Variants in JPH2 observed in about 807,000 individuals in gnomAD.
The protein encoded by JPH2 is junctophilin 2.
In JPH2, 38 loss-of-function variants were observed where a neutral mutation model predicts 55.9. The observed-to-expected ratio is 0.68, with a 90% CI of 0.52 to 0.89. The LOEUF (loss-of-function observed/expected upper bound fraction) is 0.89, where lower values mean the gene tolerates loss of function less well. Ranked by LOEUF, JPH2 falls within the 40% of genes least tolerant of loss-of-function variation. JPH2 has a pLI of 0.00. For missense variants in JPH2, 964 were observed against 1,037.6 expected, an observed-to-expected ratio of 0.93 and a Z score of 0.97; for synonymous variants, 480 against 472.4, an observed-to-expected ratio of 1.02 and a Z score of -0.21.
Position 44,134,185 on chromosome 20 carries a change from A to AATATTTATTATAAATATATAAATAT in JPH2, c.1170-15587_1170-15563dup, listed in dbSNP as rs2072360288. Reference sequence around the variant, plus strand: ...TATAAATATTTATTATAAATATATAAATATTTATTATAAATATATAAATAT... The same window carrying AATATTTATTATAAATATATAAATAT: ...TATAAATATTTATTATAAATATATAAATATTTATTATAAATATATAAATATATATTTATTATAAATATATAAATAT... On this transcript the variant is annotated intron_variant, in intron 2 of 5. Coordinates refer to ENST00000372980, the MANE Select transcript of JPH2 (RefSeq NM_020433.5). Among the ~76,000 whole-genome samples the AATATTTATTATAAATATATAAATAT allele has an allele frequency of 6.9e-4, 11 of 15,982 alleles. 4 individuals are homozygous for AATATTTATTATAAATATATAAATAT. The highest frequency in any genetic ancestry group is 1.3e-3 in the Non-Finnish European group (11 of 8,450). 10.5% of individuals were successfully genotyped at this position (15,982 alleles called of 152,430 possible). A position where few individuals can be genotyped will look rare whatever the true frequency, so the allele number is the denominator to read the frequency against.
intron 2 of JPH2, among the ~76,000 whole-genome samples, chr20:44,144,635 C>A (rs2072480929): frequency 6.6e-6 from 1 of 152,176 alleles, no homozygotes; most frequent in South Asian, 2.1e-4. Context: ...CTGGGAGCAG[C>A]TGAGAGACTT....
At chr20:44,114,737 A>G (rs960626729) in intron 5 of JPH2, 45 bp downstream of exon 5, 2 of 1,430,242 alleles carry the variant, frequency 1.4e-6, no homozygotes, top group Non-Finnish European at 1.9e-6. Flanking sequence ...AAAACTCCCC[A>G]GGGGCTCCTG....
chr20:44,113,012 T>C lies in JPH2; in HGVS notation c.*506A>G. 6.6e-6 allele frequency: 1 copy of C among 152,352 alleles called. No individual in the cohort carries two copies. Among genetic ancestry groups the C allele is most frequent in the Non-Finnish European group, 1.5e-5 (1 of 68,080 alleles). The allele number at this position is 152,352 out of a possible 1,614,324, so 9.4% of individuals were successfully genotyped here. On this transcript the variant is annotated 3_prime_UTR_variant, in exon 6 of 6. Transcript: ENST00000372980. ...CAGACTGCACAAGGACAGGTCTCTGTGCTGGTCTGAGGGGGTCTCAACACC... is the reference window on the plus strand; with the variant it reads ...CAGACTGCACAAGGACAGGTCTCTGCGCTGGTCTGAGGGGGTCTCAACACC...
At chr20:44,167,702 C>A (rs148155387) in intron 1 of JPH2, among the ~76,000 whole-genome samples, 2 of 152,202 alleles carry the variant, frequency 1.3e-5, no homozygotes, top group Non-Finnish European at 2.9e-5. Flanking sequence ...TAAACTCTGA[C>A]GTTGAATAGT....
intron 2 of JPH2, among the ~76,000 whole-genome samples, chr20:44,130,903 A>G (rs376718052): frequency 6.6e-6 from 1 of 152,046 alleles, no homozygotes. Context: ...TAAAGATTCC[A>G]TTTTTGAGGC....
At chr20:44,149,187 G>A (rs1378257995) in intron 2 of JPH2, among the ~76,000 whole-genome samples, 2 of 151,122 alleles carry the variant, frequency 1.3e-5, no homozygotes, top group Admixed American at 6.6e-5. Context: ...GGTGCCACCA[G>A]GCCCTCCCTT....
At chr20:44,186,120 TCTCAATAACCC>T (rs1174301069) in intron 1 of JPH2, among the ~76,000 whole-genome samples, 196 bp downstream of exon 1, 1 of 152,150 alleles carries the variant, frequency 6.6e-6, no homozygotes, top group African/African-American at 2.4e-5. Flanking sequence ...CCACTAATCC[TCTCAATAACCC>T]CTTTATTAGC....
chr20:44,114,930 C>T (rs999339277), intron 4 of JPH2, 54 bp from the exon 5 acceptor site: 71 of 1,375,862 alleles, frequency 5.2e-5, no homozygotes, highest in Non-Finnish European at 6.9e-5. Context: ...GAGACACCCC[C>T]CACCCAGGTC....
chr20:44,180,614 G>A (rs2072773692), intron 1 of JPH2, among the ~76,000 whole-genome samples: 1 of 152,128 alleles, frequency 6.6e-6, no homozygotes, highest in African/African-American at 2.4e-5. Context: ...ATTTTTATTA[G>A]CTTTATGGAA....
intron 2 of JPH2, among the ~76,000 whole-genome samples, chr20:44,132,681 C>T (rs2145851917): frequency 7.9e-6 from 1 of 126,974 alleles, no homozygotes; most frequent in East Asian, 2.4e-4. Flanking sequence ...AGCTCTCACC[C>T]ACCCCCACCG....
At chr20:44,120,976 G>A (rs930763488) in intron 2 of JPH2, among the ~76,000 whole-genome samples, 1 of 152,178 alleles carries the variant, frequency 6.6e-6, no homozygotes, top group Non-Finnish European at 1.5e-5. Context: ...GAGGGAGCTG[G>A]CTAGTAAACA....
chr20:44,110,571 C>T lies in JPH2; in HGVS notation c.*2947G>A, dbSNP rs984190310. ...TCCCAACTAGCTGGGTTTACAGGTACGCGCCACCACACTTGGCTAATTTTT... is the reference window on the plus strand; with the variant it reads ...TCCCAACTAGCTGGGTTTACAGGTATGCGCCACCACACTTGGCTAATTTTT... On this transcript the variant is annotated 3_prime_UTR_variant, in exon 6 of 6. Coordinates refer to ENST00000372980, the MANE Select transcript of JPH2 (RefSeq NM_020433.5). Among the ~76,000 whole-genome samples, 3 of 152,034 alleles carry T rather than the reference C, an allele frequency of 2.0e-5. No homozygotes were observed. The highest frequency in any genetic ancestry group is 4.4e-5 in the Non-Finnish European group (3 of 68,018).
chr20:44,158,621 G>A (rs576411171), intron 2 of JPH2, among the ~76,000 whole-genome samples: 4 of 152,326 alleles, frequency 2.6e-5, no homozygotes, highest in African/African-American at 9.6e-5. Context: ...GAAGCACAAT[G>A]AGAAGACTTA....
rs953679480 is a variant in JPH2 at position 44,109,901 on chromosome 20, C to A, written c.*3617G>T. Among the ~76,000 whole-genome samples, 14 of 152,098 alleles carry A rather than the reference C, an allele frequency of 9.2e-5. No individual in the cohort carries two copies. The highest frequency in any genetic ancestry group is 6.5e-4 in the Admixed American group (10 of 15,276). On this transcript the variant is annotated 3_prime_UTR_variant, in exon 6 of 6. Coordinates refer to ENST00000372980, the MANE Select transcript of JPH2 (RefSeq NM_020433.5). ...TTCCTAGGTCCCCTCCCTTTCACTG[C>A]CCTGGAAGAGTCCTGCAGAGACCTC... is the stretch of plus-strand genomic sequence containing the variant.
At chr20:44,122,730 T>C (rs1569184792) in intron 2 of JPH2, among the ~76,000 whole-genome samples, 1 of 152,110 alleles carries the variant, frequency 6.6e-6, no homozygotes, top group Admixed American at 6.5e-5. Context: ...ATGACGATGA[T>C]GGGGTGTTGG....
chr20:44,159,977 G>A lies in JPH2; in HGVS notation c.810C>T (p.Ala270=), dbSNP rs779680763. The A allele has an allele frequency of 3.8e-6, 6 of 1,591,820 alleles. No individual in the cohort carries two copies. The Admixed American group carries it at 8.6e-5, about 23-fold the overall frequency. ...AGGGTGCGGCCTCGTCGGCGCCCTC[G>A]GCGGCCTCTCCCAGGCTGGCGGTGG... is the stretch of plus-strand genomic sequence containing the variant. The part of the protein sequence containing the change: ...AASTASLGEA[A]EGADEAAPFE... Residue 270 remains alanine, a synonymous_variant, in exon 2 of 6, where the codon GCC becomes GCT. Transcript: ENST00000372980. The surrounding 1 kb of genome is among the most constrained non-coding windows in gnomAD (Gnocchi z 5.7).
Position 44,106,732 on chromosome 20 carries a change from C to T in JPH2, c.*6786G>A, listed in dbSNP as rs1313992975. On this transcript the variant is annotated 3_prime_UTR_variant, in exon 6 of 6. Coordinates refer to ENST00000372980, the MANE Select transcript of JPH2 (RefSeq NM_020433.5). ...GAGGAACTTGTGCAGAGTAACTCCT[C>T]TTTTTAAAATCATCGATCTCATGAG... is the stretch of plus-strand genomic sequence containing the variant. Among the ~76,000 whole-genome samples, 1 of 152,124 alleles carries T rather than the reference C, an allele frequency of 6.6e-6. No individual in the cohort carries two copies. The highest frequency in any genetic ancestry group is 2.4e-5 in the African/African-American group (1 of 41,426).
intron 1 of JPH2, among the ~76,000 whole-genome samples, chr20:44,170,974 G>C (rs923262580): frequency 1.3e-5 from 2 of 151,994 alleles, no homozygotes; most frequent in Non-Finnish European, 2.9e-5. Flanking sequence ...TTTCTCCCTC[G>C]ATGATGACAG....
rs191835443 is a variant in JPH2 at position 44,152,414 on chromosome 20, A to T, written c.1169+7204T>A. Among the ~76,000 whole-genome samples the T allele has an allele frequency of 2.8e-3, 431 of 152,272 alleles. 1 individual carries two copies. The highest frequency in any genetic ancestry group is 1.7e-3 in the Non-Finnish European group (116 of 68,020). On this transcript the variant is annotated intron_variant, in intron 2 of 5. Transcript: ENST00000372980. ...ATCCCCACTGGGCACGGTAGCTCAC[A>T]TCTGTAATCCCAGCTCTTAGGGAGA...
Sources: gnomAD v4.1 joint callset for allele counts (sites outside exome capture counted in the v4.1 genomes callset) on GRCh38, gnomAD v4.1.1 for gene constraint, Gnocchi (gnomAD v3.1) non-coding constraint, MANE v1.5 for transcripts, NCBI Gene and HGNC (gene_info 2026-07-23, HGNC 2026-07-21) for gene names.